PTPRG: variants seen among roughly 807,000 people sequenced by gnomAD.
PTPRG encodes protein tyrosine phosphatase receptor type G.
Under a neutral mutation model 165.3 loss-of-function variants are expected in PTPRG, and 102 were observed. The observed-to-expected ratio is 0.62, with a 90% CI of 0.53 to 0.73. PTPRG has a LOEUF of 0.73. Among genes scored for constraint, PTPRG ranks in the 30% least tolerant of loss-of-function variants. The pLI is 0.00. For synonymous variants in PTPRG, 675 were observed against 669.5 expected, an observed-to-expected ratio of 1.01 and a Z score of -0.13; for missense variants, 1,866 against 1,861.4, an observed-to-expected ratio of 1.00 and a Z score of -0.05.
At chr3:62,028,624 T>C (rs903624743) in intron 4 of PTPRG, among the ~76,000 whole-genome samples, 2 of 152,254 alleles carry the variant, frequency 1.3e-5, no homozygotes, top group African/African-American at 4.8e-5. Context: ...GAACATTGTT[T>C]TATACCAAGG....
At chr3:61,724,217 C>CAAAAAA (rs1260061643) in intron 1 of PTPRG, among the ~76,000 whole-genome samples, 58 of 128,706 alleles carry the variant, frequency 4.5e-4, no homozygotes, top group East Asian at 5.1e-4. Flanking sequence ...CTCCCATCTC[C>CAAAAAA]AAAAAAAAAA....
At chr3:61,935,992 T>A (rs965389945) in intron 2 of PTPRG, among the ~76,000 whole-genome samples, 2 of 152,172 alleles carry the variant, frequency 1.3e-5, no homozygotes, top group Non-Finnish European at 2.9e-5. Context: ...CCCTCATGAA[T>A]GGTATTACTA....
chr3:62,066,413 A>G (rs1470519341), intron 4 of PTPRG, among the ~76,000 whole-genome samples: 7 of 152,190 alleles, frequency 4.6e-5, no homozygotes, highest in Non-Finnish European at 2.9e-5. Context: ...TTATAGGTCC[A>G]TTTATCCAAA....
chr3:62,203,028 C>A lies in PTPRG; in HGVS notation c.1378-145C>A. On this transcript the variant is annotated intron_variant, in intron 11 of 29. Transcript: ENST00000474889. This position sits in a 1 kb window ranked among gnomAD's most constrained non-coding sequence, Gnocchi z 6.4. ...GGACCACCTAATGTCAACTTTATGC[C>A]ATACATTGGAAAACTCCATAGCATA... 7.3e-7 allele frequency: 1 copy of A among 1,367,398 alleles called. No individual in the cohort carries two copies. The highest frequency in any genetic ancestry group is 9.7e-7 in the Non-Finnish European group (1 of 1,031,780). 84.7% of individuals were successfully genotyped at this position (1,367,398 alleles called of 1,614,324 possible).
At chr3:61,955,978 C>T (rs1256458312) in intron 2 of PTPRG, among the ~76,000 whole-genome samples, 2 of 151,946 alleles carry the variant, frequency 1.3e-5, no homozygotes, top group Non-Finnish European at 2.9e-5. Context: ...AGAACAGAAT[C>T]TCAATTTCAG....
chr3:62,283,301 T>C, intron 28 of PTPRG, among the ~76,000 whole-genome samples: 1 of 152,148 alleles, frequency 6.6e-6, no homozygotes, highest in South Asian at 2.1e-4. Flanking sequence ...ATAAAACTAC[T>C]AGTATTAATG....
At chr3:61,675,258 G>C (rs546499047) in intron 1 of PTPRG, among the ~76,000 whole-genome samples, 3 of 152,262 alleles carry the variant, frequency 2.0e-5, no homozygotes, top group Non-Finnish European at 2.9e-5. Context: ...TTTTCCGGAG[G>C]ATGGAGGATG....
In PTPRG at chr3:61,725,271, G is replaced by T. The variant is rs1291167543; in HGVS notation, c.86-23607G>T. 2.0e-5 allele frequency among the ~76,000 whole-genome samples: 3 copies of T among 151,938 alleles called. No homozygotes were observed. In the East Asian group the frequency reaches 5.8e-4, roughly 29 times the overall value. On this transcript the variant is annotated intron_variant, in intron 1 of 29. Coordinates refer to ENST00000474889, the MANE Select transcript of PTPRG (RefSeq NM_002841.4). ...CAACCTCCACCTCCTGAGTTCAAGT[G>T]ATTTCTGGCTAATTTTTGTATTTTT...
chr3:61,776,123 T>C (rs1228035667), intron 2 of PTPRG, among the ~76,000 whole-genome samples: 2 of 151,476 alleles, frequency 1.3e-5, no homozygotes, highest in African/African-American at 4.9e-5. Flanking sequence ...CTGGTATAAG[T>C]CATTGCATTG....
chr3:61,821,067 G>A (rs55817469), intron 2 of PTPRG, among the ~76,000 whole-genome samples: 63 of 152,000 alleles, frequency 4.1e-4, no homozygotes, highest in African/African-American at 1.4e-3. Context: ...CCTTTTAATG[G>A]CTACTTCTTC....
chr3:62,135,314 G>C (rs114675550), intron 6 of PTPRG, among the ~76,000 whole-genome samples: 2,860 of 151,782 alleles, frequency 0.019, 41 homozygotes, highest in African/African-American at 0.045. Flanking sequence ...GCTTTTGTTG[G>C]AACTAGAAGC....
At chr3:61,808,348 C>A (rs1273405756) in intron 2 of PTPRG, among the ~76,000 whole-genome samples, 1 of 152,146 alleles carries the variant, frequency 6.6e-6, no homozygotes, top group East Asian at 1.9e-4. Context: ...TCAAATCTTG[C>A]AGCTCATCAG....
chr3:62,292,704 C>A, intron 29 of PTPRG, 148 bp downstream of exon 29: 1 of 811,492 alleles, frequency 1.2e-6, no homozygotes, highest in Non-Finnish European at 1.9e-6. Flanking sequence ...GTCACAACTG[C>A]AGATGGATGG....
chr3:61,814,950 G>A (rs2035709225), intron 2 of PTPRG, among the ~76,000 whole-genome samples: 1 of 151,896 alleles, frequency 6.6e-6, no homozygotes, highest in African/African-American at 2.4e-5. Context: ...GTGGCCAGTG[G>A]TAGAGACAGG....
intron 3 of PTPRG, among the ~76,000 whole-genome samples, chr3:61,991,850 C>T (rs527415749): frequency 2.7e-4 from 41 of 152,266 alleles, no homozygotes; most frequent in African/African-American, 9.9e-4. Flanking sequence ...CTTTCAGCTT[C>T]GTATCACCAA....
chr3:61,857,661 C>T (rs566033743), intron 2 of PTPRG, among the ~76,000 whole-genome samples: 2 of 152,310 alleles, frequency 1.3e-5, no homozygotes, highest in South Asian at 4.1e-4. Flanking sequence ...ACCTGACCAA[C>T]ATGGGTTTAA....
chr3:61,638,102 T>C (rs1021466553), intron 1 of PTPRG, among the ~76,000 whole-genome samples: 5 of 152,324 alleles, frequency 3.3e-5, no homozygotes, highest in East Asian at 3.9e-4. Context: ...CAACTGCTGT[T>C]TTCCAAATCG....
intron 4 of PTPRG, among the ~76,000 whole-genome samples, chr3:62,046,595 T>C (rs1316216717): frequency 6.6e-6 from 1 of 152,210 alleles, no homozygotes; most frequent in Non-Finnish European, 1.5e-5. Context: ...GCCTTCATTT[T>C]ATTTCAAAGT....
intron 1 of PTPRG, among the ~76,000 whole-genome samples, chr3:61,720,808 G>T (rs915472528): frequency 6.6e-6 from 1 of 152,186 alleles, no homozygotes; most frequent in Non-Finnish European, 1.5e-5. Context: ...ATTAATCCCC[G>T]CCAATGGAAA....
Sources: gnomAD v4.1 joint callset for allele counts (sites outside exome capture counted in the v4.1 genomes callset) on GRCh38, gnomAD v4.1.1 for gene constraint, Gnocchi (gnomAD v3.1) non-coding constraint, MANE v1.5 for transcripts, NCBI Gene and HGNC (gene_info 2026-07-23, HGNC 2026-07-21) for gene names.